PDZD2: variants seen among roughly 807,000 people sequenced by gnomAD.
PDZD2 encodes the protein PDZ domain containing 2.
PDZD2 carries 90 observed loss-of-function variants against 220.7 expected under a neutral mutation model. The ratio of observed to expected loss-of-function variants is 0.41; its 90% CI spans 0.34 to 0.49. The LOEUF (loss-of-function observed/expected upper bound fraction) is 0.49. Ranked by LOEUF, PDZD2 falls within the 20% of genes least tolerant of loss-of-function variation. The probability of loss-of-function intolerance (pLI) is 0.28; values close to 1 mark genes in which losing one functional copy is unlikely to be tolerated. For synonymous variants in PDZD2, 1,375 were observed against 1,450.5 expected (o/e 0.95, Z 1.18); for missense variants, 3,174 against 3,608.5 (o/e 0.88, Z 3.08).
chr5:31,759,344 G>A (rs1197360495), intron 1 of PDZD2, among the ~76,000 whole-genome samples: 1 of 152,068 alleles, frequency 6.6e-6, no homozygotes, highest in Non-Finnish European at 1.5e-5. Context: ...TTCCTAGTAT[G>A]AAATTAAAAG....
At chr5:31,865,833 G>A (rs1258596773) in intron 2 of PDZD2, among the ~76,000 whole-genome samples, 1 of 150,070 alleles carries the variant, frequency 6.7e-6, no homozygotes, top group East Asian at 2.0e-4. Context: ...GGGTTTCACC[G>A]TGTTAGCCAG....
At position 31,865,695 on chromosome 5, in the gene PDZD2, G is replaced by T. The variant is rs1200395954; in HGVS notation, c.476+65971G>T. On this transcript the variant is annotated intron_variant, in intron 2 of 24. Transcript: ENST00000438447. Reference sequence around the variant, plus strand: ...GTGGCCCAGGCTGGAGTTCAGTGGCGCAATCTCGTCTCACTGCAAGCTCCG... The same window carrying T: ...GTGGCCCAGGCTGGAGTTCAGTGGCTCAATCTCGTCTCACTGCAAGCTCCG... Among the ~76,000 whole-genome samples the T allele has an allele frequency of 5.4e-4, 71 of 131,290 alleles. 3 individuals carry two copies. Among genetic ancestry groups the T allele is most frequent in the Non-Finnish European group, 4.7e-5 (3 of 64,410 alleles). 86.1% of individuals were successfully genotyped at this position (131,290 alleles called of 152,430 possible).
At chr5:31,663,862 T>G (rs1745875076) in intron 1 of PDZD2, among the ~76,000 whole-genome samples, 1 of 152,094 alleles carries the variant, frequency 6.6e-6, no homozygotes, top group South Asian at 2.1e-4. Flanking sequence ...AGGGTGTGTG[T>G]GTGTGTGTGT....
Position 32,109,543 on chromosome 5 carries a change from T to C in PDZD2, c.*1408T>C, listed in dbSNP as rs1176076544. ...TTCTTAGGTAAATAATTCCAAACTCTCATCGGGTCATAAAGAGGAGGAGAA... is the reference window on the plus strand; with the variant it reads ...TTCTTAGGTAAATAATTCCAAACTCCCATCGGGTCATAAAGAGGAGGAGAA... On this transcript the variant is annotated 3_prime_UTR_variant, in exon 25 of 25. Coordinates refer to ENST00000438447, the MANE Select transcript of PDZD2 (RefSeq NM_178140.4). The C allele has an allele frequency of 6.6e-6, 1 of 152,086 alleles. No individual in the cohort carries two copies. Among genetic ancestry groups the C allele is most frequent in the East Asian group, 1.9e-4 (1 of 5,190 alleles). 9.4% of individuals were successfully genotyped at this position (152,086 alleles called of 1,614,324 possible). A position where few individuals can be genotyped will look rare whatever the true frequency, so the allele number is the denominator to read the frequency against.
intron 1 of PDZD2, chr5:31,754,485 T>C (rs1383028672): frequency 6.6e-6 from 1 of 152,220 alleles, no homozygotes; most frequent in Non-Finnish European, 1.5e-5. Context: ...CGCAAGGAAC[T>C]CAAATTCCAC....
At chr5:31,653,212 G>A (rs528230914) in intron 1 of PDZD2, among the ~76,000 whole-genome samples, 1 of 152,248 alleles carries the variant, frequency 6.6e-6, no homozygotes, top group East Asian at 1.9e-4. Context: ...CTAGTCCAAA[G>A]TGAAGCTGCA....
At chr5:31,644,494 C>G (rs989314340) in intron 1 of PDZD2, among the ~76,000 whole-genome samples, 10 of 152,126 alleles carry the variant, frequency 6.6e-5, no homozygotes, top group Admixed American at 3.9e-4. Context: ...GTTGAAGAGG[C>G]CTTTTGTGGT....
At chr5:32,064,893 A>C (rs1243798534) in intron 14 of PDZD2, among the ~76,000 whole-genome samples, 1 of 152,158 alleles carries the variant, frequency 6.6e-6, no homozygotes, top group Non-Finnish European at 1.5e-5. Context: ...ACTTGAACCC[A>C]GGAGATGGAG....
At chr5:32,094,739 C>T (rs951928074) in intron 21 of PDZD2, among the ~76,000 whole-genome samples, 4 of 151,582 alleles carry the variant, frequency 2.6e-5, no homozygotes, top group South Asian at 2.1e-4. Flanking sequence ...ATTAGCCAGG[C>T]GTGGTGGTAT....
rs140674751 is a variant in PDZD2 at position 31,705,881 on chromosome 5, C to G, written c.-361+66444C>G. ...CCTGGCCAACATGGCGAAACCCTATCTCTACTGAAAAATACAAAATTTACC... is the reference window on the plus strand; with the variant it reads ...CCTGGCCAACATGGCGAAACCCTATGTCTACTGAAAAATACAAAATTTACC... On this transcript the variant is annotated intron_variant, in intron 1 of 24. Coordinates refer to ENST00000438447, the MANE Select transcript of PDZD2 (RefSeq NM_178140.4). 4.2e-3 allele frequency among the ~76,000 whole-genome samples: 636 copies of G among 152,324 alleles called. 8 individuals carry two copies. The highest frequency in any genetic ancestry group is 0.014 in the African/African-American group (592 of 41,576).
At chr5:31,909,486 C>T (rs911228963) in intron 2 of PDZD2, among the ~76,000 whole-genome samples, 1 of 151,988 alleles carries the variant, frequency 6.6e-6, no homozygotes, top group African/African-American at 2.4e-5. Flanking sequence ...GAATTTTCTA[C>T]GCTGATTAAA....
At chr5:31,920,295 A>T (rs985270898) in intron 2 of PDZD2, among the ~76,000 whole-genome samples, 44 of 146,054 alleles carry the variant, frequency 3.0e-4, no homozygotes, top group Admixed American at 7.5e-4. Flanking sequence ...AAAATAAATA[A>T]AAATAAATAA....
chr5:32,035,723 A>G (rs73751904), intron 6 of PDZD2, among the ~76,000 whole-genome samples: 4,601 of 152,248 alleles, frequency 0.03, 224 homozygotes, highest in African/African-American at 0.11. Flanking sequence ...TCACCTTTTG[A>G]TAACTGGTAA....
At chr5:31,833,761 AC>A (rs1462978859) in intron 2 of PDZD2, among the ~76,000 whole-genome samples, 2 of 152,208 alleles carry the variant, frequency 1.3e-5, no homozygotes, top group Non-Finnish European at 2.9e-5. Flanking sequence ...AGAGCTTTCT[AC>A]CGTTTATCCT....
chr5:31,761,451 GA>G (rs11321702), intron 1 of PDZD2, among the ~76,000 whole-genome samples: 108,398 of 151,180 alleles, frequency 0.72, 40,130 homozygotes, highest in African/African-American at 0.91. Flanking sequence ...ACGACACTAA[GA>G]AATTTGAATA....
chr5:31,885,155 C>A (rs1216232175), intron 2 of PDZD2, among the ~76,000 whole-genome samples: 3 of 108,354 alleles, frequency 2.8e-5, no homozygotes, highest in East Asian at 2.4e-4. Flanking sequence ...AAAGTGCAAA[C>A]GGCAAAAAAA....
At chr5:31,897,656 C>A (rs17508998) in intron 2 of PDZD2, among the ~76,000 whole-genome samples, 1 of 151,850 alleles carries the variant, frequency 6.6e-6, no homozygotes, top group Non-Finnish European at 1.5e-5. Context: ...CAACAACCAA[C>A]AAATCAGTCT....
intron 1 of PDZD2, among the ~76,000 whole-genome samples, chr5:31,661,094 G>T (rs991546728): frequency 6.6e-6 from 1 of 152,136 alleles, no homozygotes; most frequent in Non-Finnish European, 1.5e-5. Flanking sequence ...CCTCCAGTTT[G>T]CAGAGGCTTG....
intron 5 of PDZD2, among the ~76,000 whole-genome samples, chr5:32,003,045 CTA>C (rs1752391124): frequency 7.5e-6 from 1 of 132,960 alleles, no homozygotes; most frequent in Non-Finnish European, 1.6e-5. Flanking sequence ...CATACACACA[CTA>C]CACACACCAC....
Sources: gnomAD v4.1 joint callset for allele counts (sites outside exome capture counted in the v4.1 genomes callset) on GRCh38, gnomAD v4.1.1 for gene constraint, MANE v1.5 for transcripts, NCBI Gene and HGNC (gene_info 2026-07-23, HGNC 2026-07-21) for gene names.